The following IFNAR2 variants were observed in gnomAD, a reference collection of about 807,000 sequenced individuals.
IFNAR2 encodes interferon alpha/beta receptor 2.
Under a neutral mutation model 49.4 loss-of-function variants are expected in IFNAR2, and 30 were observed. The observed-to-expected ratio is 0.61, with a 90% confidence interval of 0.45 to 0.82. The LOEUF (loss-of-function observed/expected upper bound fraction) is 0.82, where lower values mean the gene tolerates loss of function less well. Ranked by LOEUF, IFNAR2 falls within the 40% of genes least tolerant of loss-of-function variation. The pLI is 0.00. For synonymous variants in IFNAR2, 224 were observed against 234.5 expected (o/e 0.96, Z 0.41); for missense variants, 600 against 622.7 (o/e 0.96, Z 0.39).
At chr21:33,253,256 C>G (rs955556510) in intron 7 of IFNAR2, among the ~76,000 whole-genome samples, 2 of 152,170 alleles carry the variant, frequency 1.3e-5, no homozygotes, top group Non-Finnish European at 2.9e-5. Flanking sequence ...GGCATCAGCT[C>G]TCGCTCATAG....
At chr21:33,242,470 C>A (rs1032895880) in intron 2 of IFNAR2, among the ~76,000 whole-genome samples, 1 of 151,952 alleles carries the variant, frequency 6.6e-6, no homozygotes, top group Non-Finnish European at 1.5e-5. Context: ...CGGTGGCTCG[C>A]GCCTGTAATC....
intron 4 of IFNAR2, among the ~76,000 whole-genome samples, chr21:33,245,732 C>T (rs1168389056): frequency 2.0e-5 from 3 of 152,198 alleles, no homozygotes; most frequent in Non-Finnish European, 4.4e-5. Context: ...TTGGAGTGTC[C>T]TTTTGATGGT....
chr21:33,230,383 G>T lies in IFNAR2; in HGVS notation c.-84+167G>T. On this transcript the variant is annotated intron_variant, in intron 1 of 8. Transcript: ENST00000342136. This position sits in a 1 kb window ranked among gnomAD's most constrained non-coding sequence, Gnocchi z 5.5. ...CCTCTGCGTCTTGAGTATGCGGCTA[G>T]TGCGCCCTTCCTCTCTCCCGGGGCC... 1.8e-6 allele frequency: 1 copy of T among 565,508 alleles called. No homozygotes were observed. Among genetic ancestry groups the T allele is most frequent in the Non-Finnish European group, 2.7e-6 (1 of 366,928 alleles). The allele number at this position is 565,508 out of a possible 1,614,324, so 35.0% of individuals were successfully genotyped here.
intron 4 of IFNAR2, among the ~76,000 whole-genome samples, chr21:33,246,334 T>G (rs995978560): frequency 1.3e-5 from 2 of 152,176 alleles, no homozygotes; most frequent in Non-Finnish European, 2.9e-5. Flanking sequence ...CCTCCCAAAG[T>G]GCTGGGATTA....
Position 33,231,670 on chromosome 21 carries a change from A to G in IFNAR2, c.-84+1454A>G. ...TTTTCTGCTACCTTTATAAACCTTC[A>G]AACTGTTCAAGAGTCAATGGTATGT... On this transcript the variant is annotated intron_variant, in intron 1 of 8. Coordinates refer to ENST00000342136, the MANE Select transcript of IFNAR2 (RefSeq NM_001289125.3). 3.0e-6 allele frequency: 3 copies of G among 984,494 alleles called. No individual in the cohort carries two copies. The African/African-American group carries it at 5.2e-5, about 17-fold the overall frequency. The allele number at this position is 984,494 out of a possible 1,614,324, so 61.0% of individuals were successfully genotyped here. A position where few individuals can be genotyped will look rare whatever the true frequency, so the allele number is the denominator to read the frequency against.
Position 33,241,848 on chromosome 21 carries a change from G to C in IFNAR2, c.-75G>C. 1 of 1,594,852 alleles carries C rather than the reference G, an allele frequency of 6.3e-7. No individual in the cohort carries two copies. Among genetic ancestry groups the C allele is most frequent in the Non-Finnish European group, 8.5e-7 (1 of 1,170,446 alleles). On this transcript the variant is annotated 5_prime_UTR_variant, in exon 2 of 9. Transcript: ENST00000342136. ...CATTTTTATATTTGCAGTTTAATTA[G>C]ACACTTCAGAATTTTGATCACCTAA...
intron 4 of IFNAR2, among the ~76,000 whole-genome samples, chr21:33,245,487 C>G (rs904503281): frequency 2.0e-5 from 3 of 152,246 alleles, no homozygotes; most frequent in Admixed American, 6.5e-5. Flanking sequence ...CTTTTCTTTA[C>G]TCTGGTGGGA....
chr21:33,246,819 C>A lies in IFNAR2; in HGVS notation c.323C>A (p.Thr108Asn), dbSNP rs745581365. 2 of 1,614,190 alleles carry A rather than the reference C, an allele frequency of 1.2e-6. No individual in the cohort carries two copies. The highest frequency in any genetic ancestry group is 3.3e-5 in the Admixed American group (2 of 60,032). ...AGAAGCACACACGAGGCCTATGTCA[C>A]CGTCCTAGAAGGATTCAGCGGGAAC... is the stretch of plus-strand genomic sequence containing the variant. ...EWRSTHEAYV[T>N]VLEGFSGNTT... is the part of the protein sequence containing the mutation. Residue 108 changes from threonine to asparagine, a missense_variant, in exon 5 of 9, where the codon ACC becomes AAC. By Grantham distance (65) the Thr-to-Asn change is moderately conservative. Coordinates refer to ENST00000342136, the MANE Select transcript of IFNAR2 (RefSeq NM_001289125.3).
intron 6 of IFNAR2, chr21:33,252,402 T>C: frequency 5.4e-6 from 5 of 930,252 alleles, no homozygotes; most frequent in Non-Finnish European, 6.4e-6. Flanking sequence ...TTGAAGACTT[T>C]TATCTCATTT....
intron 2 of IFNAR2, among the ~76,000 whole-genome samples, chr21:33,242,758 CGT>C (rs375640331): frequency 0.03 from 2,312 of 76,454 alleles, 261 homozygotes; most frequent in South Asian, 0.05. Context: ...ATCTCGTGTG[CGT>C]GTGTGTGTGT....
intron 7 of IFNAR2, 141 bp from the exon 8 acceptor site, chr21:33,260,456 G>A: frequency 1.5e-6 from 1 of 649,684 alleles, no homozygotes; most frequent in South Asian, 2.2e-5. Context: ...TCCAGTCTCT[G>A]GTATTTCTCA....
At chr21:33,246,072 A>ATT (rs35111583) in intron 4 of IFNAR2, among the ~76,000 whole-genome samples, 4,006 of 139,522 alleles carry the variant, frequency 0.029, 100 homozygotes, top group Non-Finnish European at 0.046. Context: ...TCATCCGGCA[A>ATT]TTTTTTTTTT....
At chr21:33,255,484 T>C (rs910697812) in intron 7 of IFNAR2, among the ~76,000 whole-genome samples, 19 of 152,212 alleles carry the variant, frequency 1.2e-4, no homozygotes, top group African/African-American at 4.3e-4. Flanking sequence ...GAAAGTGTTA[T>C]GGCTTATGAT....
chr21:33,238,208 C>G (rs1211574344), intron 1 of IFNAR2, among the ~76,000 whole-genome samples: 3 of 152,206 alleles, frequency 2.0e-5, no homozygotes, highest in Non-Finnish European at 4.4e-5. Context: ...AAATCCCCAG[C>G]AAGCCTTTGT....
chr21:33,244,684 C>T (rs1186721213), intron 3 of IFNAR2, among the ~76,000 whole-genome samples: 3 of 152,182 alleles, frequency 2.0e-5, no homozygotes, highest in Non-Finnish European at 4.4e-5. Flanking sequence ...CCAAGGGCAT[C>T]GGAGAAGCCC....
chr21:33,242,419 G>A (rs962194857), intron 2 of IFNAR2, among the ~76,000 whole-genome samples: 1 of 152,082 alleles, frequency 6.6e-6, no homozygotes, highest in African/African-American at 2.4e-5. Flanking sequence ...ACAAAAACAA[G>A]GAAATTCTTT....
chr21:33,230,377 C>T lies in IFNAR2; in HGVS notation c.-84+161C>T, dbSNP rs1819787389. 6.9e-6 allele frequency: 4 copies of T among 579,012 alleles called. No homozygotes were observed. The highest frequency in any genetic ancestry group is 5.7e-5 in the South Asian group (3 of 52,598). 35.9% of individuals were successfully genotyped at this position (579,012 alleles called of 1,614,324 possible). On this transcript the variant is annotated intron_variant, in intron 1 of 8. Transcript: ENST00000342136. The surrounding 1 kb of genome is among the most constrained non-coding windows in gnomAD (Gnocchi z 5.5). ...GCCCTCCCTCTGCGTCTTGAGTATG[C>T]GGCTAGTGCGCCCTTCCTCTCTCCC... is the stretch of plus-strand genomic sequence containing the variant.
intron 5 of IFNAR2, among the ~76,000 whole-genome samples, chr21:33,248,239 G>A (rs1168396237): frequency 6.6e-6 from 1 of 152,062 alleles, no homozygotes; most frequent in Non-Finnish European, 1.5e-5. Context: ...AGGCACAGTG[G>A]CTCACACCTG....
chr21:33,231,629 C>T (rs1986071184), intron 1 of IFNAR2: 1 of 932,406 alleles, frequency 1.1e-6, no homozygotes, highest in Non-Finnish European at 1.3e-6. Context: ...ACACTCAAAG[C>T]CACATTGGAC....
Sources: gnomAD v4.1 joint callset for allele counts (sites outside exome capture counted in the v4.1 genomes callset) on GRCh38, gnomAD v4.1.1 for gene constraint, Gnocchi (gnomAD v3.1) non-coding constraint, MANE v1.5 for transcripts, NCBI Gene and HGNC (gene_info 2026-07-23, HGNC 2026-07-21) for gene names.